Variants in HHAT observed in about 807,000 individuals in gnomAD.
The protein encoded by HHAT is hedgehog acyltransferase, also known as protein-cysteine N-palmitoyltransferase HHAT.
A neutral mutation model predicts 70.8 loss-of-function variants in HHAT; 47 were observed. The observed-to-expected ratio is 0.66, with a 90% CI of 0.53 to 0.85. The LOEUF is 0.85. Ranked by LOEUF, HHAT falls within the 40% of genes least tolerant of loss-of-function variation. The pLI, the probability that HHAT is intolerant of heterozygous loss-of-function variation, is 0.00. For missense variants in HHAT, 609 were observed against 604.8 expected, an observed-to-expected ratio of 1.01 and a Z score of -0.07; for synonymous variants, 228 against 247.6, an observed-to-expected ratio of 0.92 and a Z score of 0.74.
intron 10 of HHAT, among the ~76,000 whole-genome samples, chr1:210,615,260 GT>G (rs1168907150): frequency 6.6e-6 from 1 of 152,124 alleles, no homozygotes; most frequent in East Asian, 1.9e-4. Context: ...TGATGGGGTT[GT>G]TTTTTTCTTG....
At position 210,588,043 on chromosome 1, in the gene HHAT, A is replaced by G. The variant is rs201464164; in HGVS notation, c.1189A>G (p.Thr397Ala). Residue 397 changes from threonine to alanine, a missense_variant, in exon 10 of 12, where the codon ACT becomes GCT. Physicochemically the swap from Thr to Ala is moderately conservative, Grantham distance 58. Transcript: ENST00000261458. ...GGCAGCGCTCAACTGGCTGGGAGTCACTGTGGAGAATGGAGTCCGGAGGCT... is the reference window on the plus strand; with the variant it reads ...GGCAGCGCTCAACTGGCTGGGAGTCGCTGTGGAGAATGGAGTCCGGAGGCT... ...CWAALNWLGVTVENGVRRLVE... is the reference protein window; with the variant it reads ...CWAALNWLGVAVENGVRRLVE... 2.5e-6 allele frequency: 4 copies of G among 1,613,772 alleles called. No homozygotes were observed. Among genetic ancestry groups the G allele is most frequent in the Non-Finnish European group, 3.4e-6 (4 of 1,179,908 alleles).
chr1:210,387,933 A>T (rs1412478566), intron 4 of HHAT, among the ~76,000 whole-genome samples: 1 of 152,232 alleles, frequency 6.6e-6, no homozygotes, highest in African/African-American at 2.4e-5. Context: ...TTGATGATTT[A>T]CTTAAGAAGT....
intron 1 of HHAT, among the ~76,000 whole-genome samples, chr1:210,334,403 A>T (rs1389318440): frequency 6.6e-6 from 1 of 151,652 alleles, no homozygotes; most frequent in Non-Finnish European, 1.5e-5. Context: ...TCGTCTGCCC[A>T]CCTCAGCCTC....
At chr1:210,494,402 G>A (rs916467839) in intron 8 of HHAT, among the ~76,000 whole-genome samples, 8 of 152,146 alleles carry the variant, frequency 5.3e-5, no homozygotes, top group African/African-American at 1.9e-4. Flanking sequence ...GGGATTGGAT[G>A]TCAGCGTTAC....
intron 8 of HHAT, among the ~76,000 whole-genome samples, chr1:210,467,935 G>A (rs2094136856): frequency 6.6e-6 from 1 of 152,062 alleles, no homozygotes; most frequent in Admixed American, 6.6e-5. Flanking sequence ...AGATAAAATT[G>A]GCCATTACCA....
intron 7 of HHAT, among the ~76,000 whole-genome samples, chr1:210,440,498 G>A (rs150621215): frequency 6.6e-5 from 10 of 151,906 alleles, no homozygotes; most frequent in South Asian, 2.1e-4. Flanking sequence ...CTGAGTGGAC[G>A]CAATCCCCAG....
intron 7 of HHAT, among the ~76,000 whole-genome samples, chr1:210,424,558 C>T (rs2093003975): frequency 6.9e-6 from 1 of 144,610 alleles, no homozygotes; most frequent in African/African-American, 2.6e-5. Context: ...AAGCTGAGTA[C>T]TCATTAGTTA....
intron 9 of HHAT, among the ~76,000 whole-genome samples, chr1:210,560,648 C>T (rs1393211914): frequency 1.4e-5 from 2 of 144,412 alleles, no homozygotes; most frequent in Admixed American, 1.4e-4. Context: ...CCCATCTCTA[C>T]CAAAAAAAAA....
At chr1:210,367,562 CT>C (rs146457904) in intron 3 of HHAT, among the ~76,000 whole-genome samples, 2,867 of 152,184 alleles carry the variant, frequency 0.019, 91 homozygotes, top group African/African-American at 0.066. Flanking sequence ...AGAGGAGATG[CT>C]GTTCCAGTGG....
intron 11 of HHAT, among the ~76,000 whole-genome samples, chr1:210,648,593 G>A (rs1375319710): frequency 6.6e-6 from 1 of 152,102 alleles, no homozygotes; most frequent in Non-Finnish European, 1.5e-5. Flanking sequence ...TGCTTATTCA[G>A]TGCTATTTGG....
chr1:210,406,452 G>A (rs2092333952), intron 6 of HHAT, among the ~76,000 whole-genome samples: 1 of 150,922 alleles, frequency 6.6e-6, no homozygotes, highest in African/African-American at 2.4e-5. Context: ...GGAGTGCAGT[G>A]GTGTAATCTC....
At chr1:210,636,499 T>C (rs1222903258) in intron 11 of HHAT, among the ~76,000 whole-genome samples, 2 of 152,234 alleles carry the variant, frequency 1.3e-5, no homozygotes, top group Non-Finnish European at 2.9e-5. Context: ...GACAGACAGA[T>C]GTCTTCAGGA....
At chr1:210,335,236 G>A (rs1008203609) in intron 1 of HHAT, among the ~76,000 whole-genome samples, 1 of 149,406 alleles carries the variant, frequency 6.7e-6, no homozygotes, top group South Asian at 2.1e-4. Context: ...CTAACACTAC[G>A]AAAGTCAACA....
At chr1:210,360,672 T>TA (rs1233553821) in intron 2 of HHAT, among the ~76,000 whole-genome samples, 2 of 152,114 alleles carry the variant, frequency 1.3e-5, no homozygotes, top group Middle Eastern at 3.4e-3. Flanking sequence ...CACATCTGGA[T>TA]AGGGAGCATT....
intron 1 of HHAT, among the ~76,000 whole-genome samples, chr1:210,332,272 A>G (rs1198847551): frequency 6.6e-6 from 1 of 152,238 alleles, no homozygotes; most frequent in African/African-American, 2.4e-5. Flanking sequence ...TAATCATTCA[A>G]AGACTTGAAT....
chr1:210,328,267 T>TC (rs2084695683), upstream of HHAT: 1 of 152,180 alleles, frequency 6.6e-6, no homozygotes, highest in Admixed American at 6.5e-5. Flanking sequence ...GGCTCAGGCT[T>TC]GGAGGCCTCC....
intron 10 of HHAT, chr1:210,589,189 A>C (rs1186728977): frequency 6.6e-6 from 1 of 152,238 alleles, no homozygotes; most frequent in Admixed American, 6.5e-5. Context: ...AAGCAAATGC[A>C]CTTTAAAAAG....
rs143337818 is a variant in HHAT, at chr1:210,332,504, C to T, written c.-44+3400C>T. On this transcript the variant is annotated intron_variant, in intron 1 of 11. Coordinates refer to ENST00000261458, the MANE Select transcript of HHAT (RefSeq NM_018194.6). The stretch of plus-strand genomic sequence containing the variant: ...AATATCCGCTGCTATTTCAATTCGC[C>T]TAGTTTACTCTTCACCAATAGTAAA... 4.6e-4 allele frequency among the ~76,000 whole-genome samples: 70 copies of T among 152,362 alleles called. No homozygotes were observed. In the East Asian group the frequency reaches 0.01, roughly 23 times the overall value.
intron 8 of HHAT, among the ~76,000 whole-genome samples, chr1:210,507,651 A>G (rs2094883864): frequency 6.6e-6 from 1 of 151,750 alleles, no homozygotes; most frequent in Admixed American, 6.6e-5. Context: ...GAGCTACCGC[A>G]CCTGGCCATG....
Sources: gnomAD v4.1 joint callset for allele counts (sites outside exome capture counted in the v4.1 genomes callset) on GRCh38, gnomAD v4.1.1 for gene constraint, MANE v1.5 for transcripts, NCBI Gene and HGNC (gene_info 2026-07-23, HGNC 2026-07-21) for gene names.